USP15: variants seen among roughly 807,000 people sequenced by gnomAD.
The protein encoded by USP15 is ubiquitin specific peptidase 15, also known as ubiquitin carboxyl-terminal hydrolase 15.
Under a neutral mutation model 127.1 loss-of-function variants are expected in USP15, and 18 were observed. That is an observed-to-expected ratio of 0.14 (90% CI 0.10 to 0.21). The LOEUF is 0.21. Among genes scored for constraint, USP15 ranks in the 10% least tolerant of loss-of-function variants. USP15 has a pLI of 1.00. For missense variants in USP15, 805 were observed against 1,159.9 expected, an observed-to-expected ratio of 0.69 and a Z score of 4.44; for synonymous variants, 364 against 393.7, an observed-to-expected ratio of 0.92 and a Z score of 0.89.
chr12:62,280,294 A>G (rs1362847071), intron 1 of USP15, among the ~76,000 whole-genome samples: 3 of 152,114 alleles, frequency 2.0e-5, no homozygotes, highest in African/African-American at 7.2e-5. Flanking sequence ...AGGGTTATGG[A>G]GGGATTCCCT....
At chr12:62,400,878 C>G (rs2067664886) in intron 20 of USP15, among the ~76,000 whole-genome samples, 1 of 151,892 alleles carries the variant, frequency 6.6e-6, no homozygotes, top group African/African-American at 2.4e-5. Context: ...AACACTATGC[C>G]TGGTACACAG....
chr12:62,415,214 T>C lies in USP15; in HGVS notation c.*10839T>C, dbSNP rs1025994525. 2.6e-5 allele frequency: 4 copies of C among 152,188 alleles called. No individual in the cohort carries two copies. Among genetic ancestry groups the C allele is most frequent in the Non-Finnish European group, 5.9e-5 (4 of 68,048 alleles). 9.4% of individuals were successfully genotyped at this position (152,188 alleles called of 1,614,324 possible). ...TGGCTAAAGACCCAGGAAGACTGAA[T>C]GTTTCAGTTTTAGTGCAAAGGCAGG... On this transcript the variant is annotated 3_prime_UTR_variant, in exon 22 of 22. Transcript: ENST00000280377.
intron 3 of USP15, chr12:62,305,677 G>C (rs2064463020): frequency 6.6e-6 from 1 of 152,140 alleles, no homozygotes; most frequent in Non-Finnish European, 1.5e-5. Context: ...TTATGGAGTT[G>C]AAAATGTGTA....
intron 4 of USP15, among the ~76,000 whole-genome samples, chr12:62,317,418 T>C (rs11613953): frequency 0.11 from 15,986 of 152,236 alleles, 890 homozygotes; most frequent in Middle Eastern, 0.17. Flanking sequence ...GCTAGTACTT[T>C]AACTTCATAA....
intron 8 of USP15, among the ~76,000 whole-genome samples, chr12:62,379,570 C>T (rs1233097930): frequency 1.3e-5 from 2 of 152,124 alleles, no homozygotes; most frequent in African/African-American, 4.8e-5. Context: ...TTAAGAATTA[C>T]TCAGGTTTGT....
chr12:62,331,379 G>A (rs1275434752), intron 6 of USP15, among the ~76,000 whole-genome samples: 1 of 152,088 alleles, frequency 6.6e-6, no homozygotes, highest in Non-Finnish European at 1.5e-5. Flanking sequence ...GTTGGTCTAA[G>A]GATGACACTC....
At chr12:62,298,115 TAAA>T (rs772011284) in intron 2 of USP15, among the ~76,000 whole-genome samples, 1 of 152,054 alleles carries the variant, frequency 6.6e-6, no homozygotes, top group Non-Finnish European at 1.5e-5. Context: ...TTAAAAATAA[TAAA>T]AAAGCATAAA....
chr12:62,335,441 G>A, intron 6 of USP15: 1 of 1,356,266 alleles, frequency 7.4e-7, no homozygotes, highest in Non-Finnish European at 9.5e-7. Context: ...TCCATCCTTA[G>A]CTCTCTGATC....
chr12:62,344,397 G>A lies in USP15; in HGVS notation c.684-4824G>A, dbSNP rs184842355. 1.6e-4 allele frequency among the ~76,000 whole-genome samples: 24 copies of A among 152,280 alleles called. 1 individual carries two copies. The highest frequency in any genetic ancestry group is 2.6e-4 in the Admixed American group (4 of 15,298). ...ACTCCATGTCTTGCATCTGGGTCAC[G>A]CTGGCACAAGAGGTGGGCTCCCACA... On this transcript the variant is annotated intron_variant, in intron 6 of 21. Coordinates refer to ENST00000280377, the MANE Select transcript of USP15 (RefSeq NM_001252078.2).
At chr12:62,370,239 T>C (rs1048528370) in intron 8 of USP15, among the ~76,000 whole-genome samples, 1 of 152,176 alleles carries the variant, frequency 6.6e-6, no homozygotes, top group Non-Finnish European at 1.5e-5. Context: ...CCTTGTTTTA[T>C]ACTTTTAACC....
chr12:62,306,679 A>G (rs1421739116), intron 3 of USP15, among the ~76,000 whole-genome samples: 1 of 152,194 alleles, frequency 6.6e-6, no homozygotes, highest in African/African-American at 2.4e-5. Flanking sequence ...AGGATTGTTC[A>G]ATAAAACAGA....
intron 5 of USP15, among the ~76,000 whole-genome samples, chr12:62,325,045 AC>A (rs1236964427): frequency 6.6e-6 from 1 of 151,974 alleles, no homozygotes; most frequent in Non-Finnish European, 1.5e-5. Flanking sequence ...GTAGATTTTA[AC>A]TTTTTATTGG....
chr12:62,404,453 T>G lies in USP15; in HGVS notation c.*78T>G. On this transcript the variant is annotated 3_prime_UTR_variant, in exon 22 of 22. Coordinates refer to ENST00000280377, the MANE Select transcript of USP15 (RefSeq NM_001252078.2). ...GAAATGATGAAGTTACCCACCACAT[T>G]AAAACAAAAGTCTGAGATGGGGAGT... is the stretch of plus-strand genomic sequence containing the variant. The G allele has an allele frequency of 2.1e-6, 3 of 1,430,586 alleles. No individual in the cohort carries two copies. In the South Asian group the frequency reaches 4.8e-5, roughly 23 times the overall value. The allele number at this position is 1,430,586 out of a possible 1,614,324, so 88.6% of individuals were successfully genotyped here.
In USP15 at chr12:62,408,062, A is replaced by C. The variant is rs1592754466; in HGVS notation, c.*3687A>C. 1 of 152,242 alleles carries C rather than the reference A, an allele frequency of 6.6e-6. No homozygotes were observed. Among genetic ancestry groups the C allele is most frequent in the Admixed American group, 6.5e-5 (1 of 15,278 alleles). The allele number at this position is 152,242 out of a possible 1,614,324, so 9.4% of individuals were successfully genotyped here. On this transcript the variant is annotated 3_prime_UTR_variant, in exon 22 of 22. Coordinates refer to ENST00000280377, the MANE Select transcript of USP15 (RefSeq NM_001252078.2). ...AAGTACCAAAATAGATACAACATAAAGGTGGTGGGGTTTTTTATGAACTAA... is the reference window on the plus strand; with the variant it reads ...AAGTACCAAAATAGATACAACATAACGGTGGTGGGGTTTTTTATGAACTAA...
intron 8 of USP15, 26 bp downstream of exon 8, chr12:62,355,501 C>T (rs1413975954): frequency 1.3e-6 from 2 of 1,559,972 alleles, no homozygotes; most frequent in East Asian, 2.3e-5. Context: ...CAAAATGAAA[C>T]TCATGTTTCA....
intron 6 of USP15, among the ~76,000 whole-genome samples, chr12:62,347,876 TC>T (rs1449879519): frequency 6.6e-6 from 1 of 152,168 alleles, no homozygotes; most frequent in African/African-American, 2.4e-5. Flanking sequence ...AACATTTTTT[TC>T]TAAGATTTTA....
chr12:62,262,120 C>A (rs1314673734), intron 1 of USP15, among the ~76,000 whole-genome samples: 2 of 152,002 alleles, frequency 1.3e-5, no homozygotes, highest in African/African-American at 4.8e-5. Flanking sequence ...CGCCTGTGGT[C>A]CCAGCTACTC....
intron 1 of USP15, among the ~76,000 whole-genome samples, chr12:62,263,533 TA>T (rs2063120936): frequency 6.6e-6 from 1 of 152,232 alleles, no homozygotes; most frequent in South Asian, 2.1e-4. Flanking sequence ...GATTTTTATC[TA>T]AAAACTGATT....
intron 1 of USP15, among the ~76,000 whole-genome samples, chr12:62,277,984 G>A (rs1354598291): frequency 3.3e-5 from 5 of 151,860 alleles, no homozygotes; most frequent in Non-Finnish European, 5.9e-5. Context: ...TTTTTGACTC[G>A]TTTGTTATAA....
Sources: allele counts gnomAD v4.1 joint callset (sites outside exome capture counted in the v4.1 genomes callset), GRCh38; gene constraint gnomAD v4.1.1; transcripts MANE v1.5; gene names NCBI Gene and HGNC (gene_info 2026-07-23, HGNC 2026-07-21).